DTNA: variants seen among roughly 807,000 people sequenced by gnomAD.
DTNA encodes dystrophin-related protein 3.
In DTNA, 43 loss-of-function variants were observed where a neutral mutation model predicts 100.7. The observed-to-expected ratio is 0.43, with a 90% CI of 0.33 to 0.55. The LOEUF is 0.55. DTNA is among the 20% of genes least tolerant of loss of function. The pLI, the probability that DTNA is intolerant of heterozygous loss-of-function variation, is 0.04. For synonymous variants in DTNA, 349 were observed against 347.9 expected (o/e 1.00, Z -0.04); for missense variants, 798 against 953.9 (o/e 0.84, Z 2.15).
intron 1 of DTNA, among the ~76,000 whole-genome samples, chr18:34,581,455 T>G (rs535181172): frequency 6.6e-6 from 1 of 152,250 alleles, no homozygotes; most frequent in South Asian, 2.1e-4. Flanking sequence ...TCTTTGTGTC[T>G]TCAGCTCTCT....
At chr18:34,693,062 C>T (rs144610720) in intron 1 of DTNA, among the ~76,000 whole-genome samples, 174 of 152,200 alleles carry the variant, frequency 1.1e-3, no homozygotes, top group Middle Eastern at 3.4e-3. Flanking sequence ...ATTAATAACT[C>T]AAAATTAAAT....
At chr18:34,628,552 A>G (rs2849486) in intron 1 of DTNA, among the ~76,000 whole-genome samples, 1 of 152,228 alleles carries the variant, frequency 6.6e-6, no homozygotes, top group Non-Finnish European at 1.5e-5. Flanking sequence ...ATTGATCCAG[A>G]TAAATCTTGC....
At chr18:34,589,016 A>ATATG (rs1251167035) in intron 1 of DTNA, among the ~76,000 whole-genome samples, 2 of 150,666 alleles carry the variant, frequency 1.3e-5, no homozygotes, top group Non-Finnish European at 3.0e-5. Flanking sequence ...TATACTAATT[A>ATATG]TATGTATAAT....
At chr18:34,847,435 A>G (rs1053743651) in intron 13 of DTNA, among the ~76,000 whole-genome samples, 2 of 152,230 alleles carry the variant, frequency 1.3e-5, no homozygotes, top group African/African-American at 4.8e-5. Flanking sequence ...ATTATCCCAA[A>G]AGTTAGTAGC....
chr18:34,843,057 G>A (rs1207817082), intron 13 of DTNA, among the ~76,000 whole-genome samples: 1 of 152,150 alleles, frequency 6.6e-6, no homozygotes, highest in African/African-American at 2.4e-5. Context: ...TAGAATATCA[G>A]TAGTGCAGTA....
chr18:34,635,016 C>T (rs187307548), intron 1 of DTNA, among the ~76,000 whole-genome samples: 19 of 152,064 alleles, frequency 1.2e-4, no homozygotes, highest in African/African-American at 4.3e-4. Context: ...ATCCTTCAAC[C>T]AATATCCCCC....
At chr18:34,769,669 T>C (rs2093658874) in intron 3 of DTNA, among the ~76,000 whole-genome samples, 1 of 149,842 alleles carries the variant, frequency 6.7e-6, no homozygotes, top group South Asian at 2.2e-4. Context: ...GGTTCATAGG[T>C]GGCCCCTTTT....
chr18:34,528,902 A>C (rs72951212), intron 1 of DTNA, among the ~76,000 whole-genome samples: 2,141 of 152,060 alleles, frequency 0.014, 23 homozygotes, highest in South Asian at 0.025. Flanking sequence ...CTACTCACTC[A>C]CCTGACCCTG....
At chr18:34,824,052 G>A (rs1347386001) in intron 9 of DTNA, among the ~76,000 whole-genome samples, 2 of 152,224 alleles carry the variant, frequency 1.3e-5, no homozygotes, top group African/African-American at 2.4e-5. Flanking sequence ...ACATGTTTAA[G>A]TGAAGGATAA....
rs778924121 is a variant in DTNA at position 34,879,715 on chromosome 18, G to A, written c.2158G>A (p.Asp720Asn). The A allele has an allele frequency of 1.9e-5, 30 of 1,613,880 alleles. No homozygotes were observed. In the Middle Eastern group the frequency reaches 9.9e-4, roughly 53 times the overall value. ...AGCTACCACAAGTACCATGCGTGGC[G>A]ACATGTGAGTATCTTCCGCTTGGAA... is the stretch of plus-strand genomic sequence containing the variant. ...SGATTSTMRG[D>N]MVTEDADPYV... Residue 720 changes from aspartate (D) to asparagine (N), a missense_variant, in exon 20 of 23, where the codon GAC (aspartate) becomes AAC (asparagine). Asp to Asn is a conservative substitution (Grantham distance 23, BLOSUM62 1). Coordinates refer to ENST00000444659, the MANE Select transcript of DTNA (RefSeq NM_001386795.1).
intron 5 of DTNA, among the ~76,000 whole-genome samples, chr18:34,807,867 T>TTTAAA (rs1568592332): frequency 7.2e-6 from 1 of 139,120 alleles, no homozygotes; most frequent in African/African-American, 2.7e-5. Flanking sequence ...TTTTTTTTTT[T>TTTAAA]CAAAAAAAAA....
chr18:34,664,114 G>T, intron 1 of DTNA, among the ~76,000 whole-genome samples: 1 of 152,176 alleles, frequency 6.6e-6, no homozygotes, highest in Middle Eastern at 3.4e-3. Context: ...GCTATGAAAA[G>T]ACTCTACTAT....
intron 1 of DTNA, among the ~76,000 whole-genome samples, chr18:34,641,533 C>T (rs1278796236): frequency 1.3e-5 from 2 of 152,214 alleles, no homozygotes; most frequent in African/African-American, 4.8e-5. Context: ...TCATACTTTT[C>T]TTGAATCTTC....
At chr18:34,642,017 A>G (rs954895790) in intron 1 of DTNA, among the ~76,000 whole-genome samples, 2 of 152,202 alleles carry the variant, frequency 1.3e-5, no homozygotes, top group Non-Finnish European at 2.9e-5. Flanking sequence ...GGATTGTACT[A>G]TATTCAGAAC....
At chr18:34,795,833 G>A (rs953623164) in intron 4 of DTNA, among the ~76,000 whole-genome samples, 4 of 152,124 alleles carry the variant, frequency 2.6e-5, no homozygotes, top group Admixed American at 1.3e-4. Flanking sequence ...GAGATATATA[G>A]GATTCACACA....
chr18:34,827,108 A>G (rs1162951614), intron 9 of DTNA, among the ~76,000 whole-genome samples: 1 of 152,188 alleles, frequency 6.6e-6, no homozygotes, highest in Non-Finnish European at 1.5e-5. Flanking sequence ...AAGGTATGAT[A>G]TGATTTTACA....
chr18:34,585,128 A>C (rs2146761860), intron 1 of DTNA, among the ~76,000 whole-genome samples: 1 of 152,278 alleles, frequency 6.6e-6, no homozygotes, highest in African/African-American at 2.4e-5. Flanking sequence ...CCCACCCATG[A>C]GGGAGTCCAT....
intron 3 of DTNA, among the ~76,000 whole-genome samples, chr18:34,793,530 T>TA (rs2094840088): frequency 6.6e-6 from 1 of 152,210 alleles, no homozygotes; most frequent in Admixed American, 6.5e-5. Context: ...AGCATACTAC[T>TA]AAAAAACACA....
chr18:34,494,690 A>G (rs898433627), intron 1 of DTNA, among the ~76,000 whole-genome samples: 3 of 152,052 alleles, frequency 2.0e-5, no homozygotes, highest in Non-Finnish European at 2.9e-5. Context: ...GGGAGGCGCA[A>G]ATATTGGATG....
Sources: allele counts gnomAD v4.1 joint callset (sites outside exome capture counted in the v4.1 genomes callset), GRCh38; gene constraint gnomAD v4.1.1; transcripts MANE v1.5; gene names NCBI Gene and HGNC (gene_info 2026-07-23, HGNC 2026-07-21).